CASD1: variants seen among roughly 807,000 people sequenced by gnomAD.
CASD1 encodes the protein N-acetylneuraminate (7)9-O-acetyltransferase.
CASD1 carries 41 observed loss-of-function variants against 100.0 expected under a neutral mutation model. The ratio of observed to expected loss-of-function variants is 0.41; its 90% confidence interval spans 0.32 to 0.53. CASD1 has a LOEUF of 0.53. Ranked by LOEUF, CASD1 falls within the 20% of genes least tolerant of loss-of-function variation. CASD1 has a pLI of 0.25. For missense variants in CASD1, 774 were observed against 948.7 expected, an observed-to-expected ratio of 0.82 and a Z score of 2.42; for synonymous variants, 321 against 315.6, an observed-to-expected ratio of 1.02 and a Z score of -0.18.
intron 17 of CASD1, 90 bp from the exon 18 acceptor site, chr7:94,555,402 A>G (rs772068087): frequency 3.9e-5 from 50 of 1,295,108 alleles, no homozygotes; most frequent in African/African-American, 5.9e-5. Context: ...TTCTAATGTT[A>G]TTATGCAACC....
the CASD1 span, chr7:94,587,441 G>A: frequency 1.1e-5 from 13 of 1,177,426 alleles, no homozygotes; most frequent in East Asian, 3.8e-5. Context: ...AATCTTAGGC[G>A]AGATGGAAGC....
chr7:94,595,898 G>A, the CASD1 span, among the ~76,000 whole-genome samples: 1 of 151,978 alleles, frequency 6.6e-6, no homozygotes, highest in Non-Finnish European at 1.5e-5. Context: ...ACACTGAAAC[G>A]ACACCGAATG....
At chr7:94,582,777 TGAC>T in the CASD1 span, among the ~76,000 whole-genome samples, 2 of 152,332 alleles carry the variant, frequency 1.3e-5, no homozygotes, top group South Asian at 4.1e-4. Context: ...TATTACAGGT[TGAC>T]ATTTATTTGT....
chr7:94,562,357 G>A, the CASD1 span, among the ~76,000 whole-genome samples: 1 of 152,030 alleles, frequency 6.6e-6, no homozygotes, highest in African/African-American at 2.4e-5. Context: ...AGGCAGTCTG[G>A]TAGTCCTAAG....
the CASD1 span, chr7:94,617,406 T>G: frequency 6.6e-6 from 1 of 152,192 alleles, no homozygotes; most frequent in Non-Finnish European, 1.5e-5. Context: ...TGCTGTTTCC[T>G]CCAACATTAT....
chr7:94,619,143 C>T, the CASD1 span: 1 of 595,066 alleles, frequency 1.7e-6, no homozygotes, highest in Non-Finnish European at 3.0e-6. Flanking sequence ...ACATTAGAAA[C>T]AGAACTTTAT....
Position 94,510,106 on chromosome 7 carries a change from C to A in CASD1, c.22C>A (p.Leu8Met), listed in dbSNP as rs1277717196. The A allele has an allele frequency of 1.3e-6, 2 of 1,529,716 alleles. No individual in the cohort carries two copies. The highest frequency in any genetic ancestry group is 2.6e-5 in the East Asian group (1 of 39,168). The allele number at this position is 1,529,716 out of a possible 1,614,324, so 94.8% of individuals were successfully genotyped here. The change falls in exon 1 of 18, where the codon CTG becomes ATG. Residue 8 changes from leucine to methionine, a missense_variant. By Grantham distance (15) the Leu-to-Met change is conservative (BLOSUM62 2). Transcript: ENST00000297273. MAALAYN[L>M]GKREINHYFS... is the part of the protein sequence containing the mutation. ...CAAGATGGCGGCTCTGGCCTACAACCTGGGCAAGCGGGAGATCAACCACTA... is the reference window on the plus strand; with the variant it reads ...CAAGATGGCGGCTCTGGCCTACAACATGGGCAAGCGGGAGATCAACCACTA...
chr7:94,582,738 CAATT>C, the CASD1 span, among the ~76,000 whole-genome samples: 1 of 152,158 alleles, frequency 6.6e-6, no homozygotes, highest in Non-Finnish European at 1.5e-5. Flanking sequence ...TTTATAGCAT[CAATT>C]ACTTTCCCTT....
Position 94,552,351 on chromosome 7 carries a change from C to G in CASD1, c.1958C>G (p.Thr653Ser). The G allele has an allele frequency of 1.2e-6, 2 of 1,608,060 alleles. No individual in the cohort carries two copies. The highest frequency in any genetic ancestry group is 1.7e-6 in the Non-Finnish European group (2 of 1,177,542). ...LLFISVVSFL[T>S]YSIWASSCKN... is the part of the protein sequence containing the mutation. ...TTTTCCATACATTTTTTGTTTTAGA[C>G]CTATTCCATCTGGGCTAGCAGTTGT... is the stretch of plus-strand genomic sequence containing the variant. Residue 653 changes from threonine to serine, a missense_variant and splice_region_variant, in exon 16 of 18, where the codon ACC (threonine) becomes AGC (serine). This residue lies in a region of CASD1 where 175 missense variants were observed against 206.9 expected (regional missense o/e 0.85). Coordinates refer to ENST00000297273, the MANE Select transcript of CASD1 (RefSeq NM_022900.5).
the CASD1 span, chr7:94,627,923 C>T: frequency 2.7e-6 from 1 of 363,980 alleles, no homozygotes; most frequent in Admixed American, 4.0e-5. Flanking sequence ...CAATTATTTT[C>T]TCAAATAGAA....
In CASD1 at chr7:94,509,870, G is replaced by T; in HGVS notation, c.-215G>T. ...GCGGAGCAGCGGCGGCGGGGCTGGG[G>T]GGAGGCCGCCGAGTCGGCCGCGGCC... On this transcript the variant is annotated 5_prime_UTR_variant, in exon 1 of 18. Coordinates refer to ENST00000297273, the MANE Select transcript of CASD1 (RefSeq NM_022900.5). The T allele has an allele frequency of 1.7e-5, 17 of 1,029,046 alleles. No individual in the cohort carries two copies. Among genetic ancestry groups the T allele is most frequent in the Non-Finnish European group, 2.0e-5 (17 of 859,220 alleles). 63.7% of individuals were successfully genotyped at this position (1,029,046 alleles called of 1,614,324 possible).
chr7:94,552,163 T>G (rs1271220951), intron 15 of CASD1, 187 bp from the exon 16 acceptor site: 20 of 547,030 alleles, frequency 3.7e-5, no homozygotes, highest in Non-Finnish European at 6.3e-5. Flanking sequence ...TGCTTTCTTA[T>G]GTTTGGACAG....
Position 94,537,664 on chromosome 7 carries a change from G to C in CASD1, c.1036G>C (p.Asp346His). 1 of 1,613,672 alleles carries C rather than the reference G, an allele frequency of 6.2e-7. No homozygotes were observed. The highest frequency in any genetic ancestry group is 1.1e-5 in the South Asian group (1 of 91,072). Residue 346 changes from aspartate (D) to histidine (H), a missense_variant, in exon 9 of 18, where the codon GAT (aspartate) becomes CAT (histidine). Coordinates refer to ENST00000297273, the MANE Select transcript of CASD1 (RefSeq NM_022900.5). ...NAHRKNKPCT[D>H]LESGEEKKNI... The stretch of plus-strand genomic sequence containing the variant: ...TCATCGGAAGAATAAGCCGTGTACT[G>C]ATTTGGAAAGTGGAGAGGAAAAGAA...
chr7:94,528,545 G>C (rs898448188), intron 5 of CASD1, among the ~76,000 whole-genome samples: 3 of 152,046 alleles, frequency 2.0e-5, no homozygotes, highest in African/African-American at 7.2e-5. Context: ...TCAAACCCAG[G>C]TGATCTTCCC....
the CASD1 span, among the ~76,000 whole-genome samples, chr7:94,603,651 C>T: frequency 3.3e-5 from 5 of 152,152 alleles, no homozygotes; most frequent in East Asian, 5.8e-4. Flanking sequence ...CCAATATTTA[C>T]TGAGTGCTTT....
downstream of CASD1, among the ~76,000 whole-genome samples, chr7:94,560,591 T>C (rs1242246162): frequency 2.0e-5 from 3 of 152,192 alleles, no homozygotes; most frequent in Non-Finnish European, 4.4e-5. Context: ...GGATATATTA[T>C]TTACACTAAT....
chr7:94,549,982 A>G (rs1034406486), intron 14 of CASD1, among the ~76,000 whole-genome samples: 1 of 152,096 alleles, frequency 6.6e-6, no homozygotes, highest in Non-Finnish European at 1.5e-5. Flanking sequence ...TGTTGATGCC[A>G]TGAAGTATAC....
At chr7:94,537,390 C>T in intron 8 of CASD1, 82 bp from the exon 9 acceptor site, 2 of 1,271,454 alleles carry the variant, frequency 1.6e-6, no homozygotes, top group Non-Finnish European at 2.2e-6. Context: ...GTGCTAAAAA[C>T]TCAGTAGTAT....
chr7:94,568,186 T>C, the CASD1 span, among the ~76,000 whole-genome samples: 2 of 152,154 alleles, frequency 1.3e-5, no homozygotes, highest in Non-Finnish European at 2.9e-5. Flanking sequence ...AATGCATGAA[T>C]AGCTAGTGAT....
Sources: gnomAD v4.1 joint callset for allele counts (sites outside exome capture counted in the v4.1 genomes callset) on GRCh38, gnomAD v4.1.1 for gene constraint, gnomAD v4.1.1 regional missense constraint, MANE v1.5 for transcripts, NCBI Gene and HGNC (gene_info 2026-07-23, HGNC 2026-07-21) for gene names.